The following PTK2 variants were observed in gnomAD, a reference collection of about 807,000 sequenced individuals.
The protein encoded by PTK2 is focal adhesion kinase 1.
A neutral mutation model predicts 150.1 loss-of-function variants in PTK2; 45 were observed. That is an observed-to-expected ratio of 0.30 (90% CI 0.24 to 0.38). The LOEUF (loss-of-function observed/expected upper bound fraction) is 0.38. Ranked by LOEUF, PTK2 falls within the 10% of genes least tolerant of loss-of-function variation. The pLI is 1.00. For missense variants in PTK2, 919 were observed against 1,307.3 expected, an observed-to-expected ratio of 0.70 and a Z score of 4.58; for synonymous variants, 432 against 449.2, an observed-to-expected ratio of 0.96 and a Z score of 0.48.
intron 1 of PTK2, among the ~76,000 whole-genome samples, chr8:140,999,921 T>C (rs1220477278): frequency 6.6e-6 from 1 of 151,254 alleles, no homozygotes; most frequent in Non-Finnish European, 1.5e-5. Flanking sequence ...CCAGTTCCCA[T>C]AATTACTACA....
At chr8:140,991,725 G>C (rs2100195760) in intron 1 of PTK2, among the ~76,000 whole-genome samples, 1 of 152,080 alleles carries the variant, frequency 6.6e-6, no homozygotes, top group Non-Finnish European at 1.5e-5. Context: ...AAAACCTTGC[G>C]AGGCCAGGCA....
intron 17 of PTK2, among the ~76,000 whole-genome samples, chr8:140,748,614 GGA>G (rs760880716): frequency 3.9e-5 from 6 of 152,082 alleles, no homozygotes; most frequent in Non-Finnish European, 4.4e-5. Flanking sequence ...ACTACTCTCA[GGA>G]GAGTCTGATG....
intron 22 of PTK2, 35 bp downstream of exon 25, chr8:140,735,216 C>G (rs1462871800): frequency 6.3e-7 from 1 of 1,588,340 alleles, no homozygotes; most frequent in Non-Finnish European, 8.6e-7. Flanking sequence ...ATAATCTGCC[C>G]CCACCCCCAG....
At chr8:140,767,700 G>C (rs2100073141) in intron 14 of PTK2, among the ~76,000 whole-genome samples, 1 of 152,108 alleles carries the variant, frequency 6.6e-6, no homozygotes, top group South Asian at 2.1e-4. Flanking sequence ...TGCCCACGCT[G>C]GTCTCAAACT....
At chr8:140,666,052 T>G (rs2091103469) in intron 30 of PTK2, among the ~76,000 whole-genome samples, 1 of 152,166 alleles carries the variant, frequency 6.6e-6, no homozygotes, top group Admixed American at 6.5e-5. Context: ...AAAACAGTTG[T>G]AGGGGCCAGG....
chr8:140,981,368 G>A (rs577359169), intron 1 of PTK2, among the ~76,000 whole-genome samples: 220 of 152,272 alleles, frequency 1.4e-3, no homozygotes, highest in Non-Finnish European at 2.5e-3. Context: ...GAGTGGCACC[G>A]GTGTGAGGGG....
chr8:140,958,894 A>G (rs2100182126), intron 1 of PTK2, among the ~76,000 whole-genome samples: 1 of 152,166 alleles, frequency 6.6e-6, no homozygotes, highest in Admixed American at 6.5e-5. Flanking sequence ...CTATAAATCC[A>G]CTTGAAATTA....
At chr8:140,890,854 C>G in intron 2 of PTK2, 85 bp from the exon 3 acceptor site, 1 of 1,145,684 alleles carries the variant, frequency 8.7e-7, no homozygotes, top group South Asian at 1.4e-5. Flanking sequence ...ATCAAATGTC[C>G]TATACTCTCT....
chr8:140,674,958 C>T (rs1414811644), intron 28 of PTK2, among the ~76,000 whole-genome samples: 5 of 150,556 alleles, frequency 3.3e-5, no homozygotes, highest in Admixed American at 2.0e-4. Flanking sequence ...ATAGTCCCAG[C>T]TACTCGGGAG....
At chr8:140,781,463 C>T (rs1174451036) in intron 14 of PTK2, among the ~76,000 whole-genome samples, 1 of 152,030 alleles carries the variant, frequency 6.6e-6, no homozygotes, top group Non-Finnish European at 1.5e-5. Flanking sequence ...AGTCTTTTCC[C>T]CTTTATAGCG....
chr8:140,887,849 T>C (rs973456326), intron 3 of PTK2, among the ~76,000 whole-genome samples: 1 of 152,206 alleles, frequency 6.6e-6, no homozygotes, highest in Non-Finnish European at 1.5e-5. Flanking sequence ...TGGTATATAT[T>C]TTTATACTAT....
At chr8:140,722,910 C>T (rs1063164) in intron 22 of PTK2, among the ~76,000 whole-genome samples, 6,198 of 152,224 alleles carry the variant, frequency 0.041, 420 homozygotes, top group African/African-American at 0.14. Flanking sequence ...TTCAAGGCAA[C>T]GGGAACTCAG....
intron 12 of PTK2, chr8:140,799,440 G>A (rs2154592760): frequency 6.5e-6 from 1 of 152,720 alleles, no homozygotes; most frequent in Non-Finnish European, 1.5e-5. Context: ...TGAGGTGAGT[G>A]CTAGAAGGGG....
intron 1 of PTK2, among the ~76,000 whole-genome samples, chr8:140,930,001 T>C (rs999538292): frequency 5.9e-5 from 9 of 151,604 alleles, no homozygotes; most frequent in African/African-American, 9.7e-5. Flanking sequence ...CCATAAGGAG[T>C]TGACAGACCA....
chr8:140,972,610 G>A (rs1329196222), intron 1 of PTK2, among the ~76,000 whole-genome samples: 3 of 152,028 alleles, frequency 2.0e-5, no homozygotes, highest in African/African-American at 7.3e-5. Context: ...GAAAATTTGT[G>A]GAAATTTGTT....
At chr8:140,743,365 AAT>A (rs766432993) in intron 19 of PTK2, 35 bp from the exon 23 acceptor site, 27 of 1,554,584 alleles carry the variant, frequency 1.7e-5, no homozygotes, top group Non-Finnish European at 2.4e-5. Flanking sequence ...TAAGACTTAA[AAT>A]AAGAAAAACA....
chr8:140,870,381 T>C (rs1383727128), intron 4 of PTK2, among the ~76,000 whole-genome samples: 1 of 152,202 alleles, frequency 6.6e-6, no homozygotes, highest in African/African-American at 2.4e-5. Flanking sequence ...AATGACCATT[T>C]ATAGTAAAAT....
exon 31 of PTK2, chr8:140,664,919 C>T: frequency 1.2e-6 from 2 of 1,613,328 alleles, no homozygotes; most frequent in Non-Finnish European, 8.5e-7. Flanking sequence ...TGCCCTACCT[C>T]TCGGTGGGTG....
intron 1 of PTK2, among the ~76,000 whole-genome samples, chr8:140,972,793 T>C (rs980578993): frequency 3.3e-5 from 5 of 152,236 alleles, no homozygotes; most frequent in Non-Finnish European, 7.3e-5. Context: ...TTTGTCCAGC[T>C]TTAGCTTTCT....
Sources: allele counts gnomAD v4.1 joint callset (sites outside exome capture counted in the v4.1 genomes callset), GRCh38; gene constraint gnomAD v4.1.1; transcripts MANE v1.5; gene names NCBI Gene and HGNC (gene_info 2026-07-23, HGNC 2026-07-21).